The following PTPRN2 variants were observed in gnomAD, a reference collection of about 807,000 sequenced individuals.
The protein encoded by PTPRN2 is receptor-type tyrosine-protein phosphatase N2.
In PTPRN2, 74 loss-of-function variants were observed where a neutral mutation model predicts 118.8. That is an observed-to-expected ratio of 0.62 (90% CI 0.52 to 0.76). The LOEUF (loss-of-function observed/expected upper bound fraction) is 0.76, where lower values mean the gene tolerates loss of function less well. Among genes scored for constraint, PTPRN2 ranks in the 30% least tolerant of loss-of-function variants. The pLI, the probability that PTPRN2 is intolerant of heterozygous loss-of-function variation, is 0.00. For missense variants in PTPRN2, 1,481 were observed against 1,394.4 expected (o/e 1.06, Z -0.99); for synonymous variants, 641 against 608.0 (o/e 1.05, Z -0.80).
rs1563245622 is a variant in PTPRN2, at chr7:157,595,593, T to TTAGGAAGCCAGGA, written c.2419-279_2419-278insTCCTGGCTTCCTA. ...GAAGCCAGGAGGTTAGGAAGCCTGGTGTTTAGGAAGCCCGGAGGTTAGGAA... is the reference window on the plus strand; with the variant it reads ...GAAGCCAGGAGGTTAGGAAGCCTGGTTAGGAAGCCAGGAGTTTAGGAAGCCCGGAGGTTAGGAA... On this transcript the variant is annotated intron_variant, in intron 16 of 22. Transcript: ENST00000389418. Among the ~76,000 whole-genome samples the TTAGGAAGCCAGGA allele has an allele frequency of 1.9e-3, 140 of 72,106 alleles. 5 individuals carry two copies. Among genetic ancestry groups the TTAGGAAGCCAGGA allele is most frequent in the African/African-American group, 0.012 (134 of 10,942 alleles). The allele number at this position is 72,106 out of a possible 152,430, so 47.3% of individuals were successfully genotyped here. A position where few individuals can be genotyped will look rare whatever the true frequency, so the allele number is the denominator to read the frequency against.
chr7:157,658,914 G>A (rs999114864), intron 13 of PTPRN2, among the ~76,000 whole-genome samples: 3 of 152,188 alleles, frequency 2.0e-5, no homozygotes, highest in East Asian at 1.9e-4. Context: ...CCACCCACTC[G>A]CTCCCCACAG....
chr7:158,416,693 A>C (rs1190868626), intron 2 of PTPRN2, among the ~76,000 whole-genome samples: 1 of 152,244 alleles, frequency 6.6e-6, no homozygotes, highest in Admixed American at 6.5e-5. Flanking sequence ...GGCAGGAAAC[A>C]GACAGCCTGC....
rs983748182 is a variant in PTPRN2 at position 158,574,571 on chromosome 7, C to A, written c.112+12987G>T. On this transcript the variant is annotated intron_variant, in intron 1 of 22. Transcript: ENST00000389418. This position sits in a 1 kb window ranked among gnomAD's most constrained non-coding sequence, Gnocchi z 4.6. ...GAGCCCTGTCCAGGGCTTGGGCTTC[C>A]TTCCTAAGGTTAGATGTGGGGCAGC... is the stretch of plus-strand genomic sequence containing the variant. Among the ~76,000 whole-genome samples the A allele has an allele frequency of 6.6e-6, 1 of 152,300 alleles. No homozygotes were observed. Among genetic ancestry groups the A allele is most frequent in the Admixed American group, 6.5e-5 (1 of 15,292 alleles).
chr7:158,008,651 G>A (rs914306893), intron 11 of PTPRN2, among the ~76,000 whole-genome samples: 1 of 152,252 alleles, frequency 6.6e-6, no homozygotes, highest in African/African-American at 2.4e-5. Flanking sequence ...GCAGGCAGCA[G>A]TGACGTGTCT....
chr7:158,346,862 G>A (rs1807549994), intron 2 of PTPRN2, among the ~76,000 whole-genome samples: 1 of 152,168 alleles, frequency 6.6e-6, no homozygotes, highest in Non-Finnish European at 1.5e-5. Flanking sequence ...GCACAGTTGA[G>A]CATCTTTTCA....
At chr7:158,542,556 T>A (rs1826049769) in intron 1 of PTPRN2, among the ~76,000 whole-genome samples, 1 of 152,246 alleles carries the variant, frequency 6.6e-6, no homozygotes, top group Non-Finnish European at 1.5e-5. Flanking sequence ...AGAAGGGATG[T>A]GCCCAGCGCC....
chr7:157,545,004 CATGACTGTGTGTGGGTGTGCACT>C, intron 22 of PTPRN2, among the ~76,000 whole-genome samples: 1 of 134,514 alleles, frequency 7.4e-6, no homozygotes, highest in Admixed American at 7.5e-5. Context: ...GTGCAGGGTC[CATGACTGTGTGTGGGTGTGCACT>C]GTGTGTACAC....
intron 9 of PTPRN2, among the ~76,000 whole-genome samples, chr7:158,131,907 C>G (rs889835306): frequency 3.0e-4 from 45 of 151,130 alleles, no homozygotes; most frequent in Non-Finnish European, 7.4e-5. Flanking sequence ...TGGGCATATA[C>G]ACAAACCAAT....
rs562206427 is a variant in PTPRN2 at position 158,124,170 on chromosome 7, G to A, written c.1556+9507C>T. Among the ~76,000 whole-genome samples the A allele has an allele frequency of 9.3e-4, 141 of 152,372 alleles. 2 individuals carry two copies. In the South Asian group the frequency reaches 0.012, roughly 13 times the overall value. ...TTCCATCATCAAATGGAAGTGGTAT[G>A]TGTCTGGGCCTAAGTAGGCCCTAAA... is the stretch of plus-strand genomic sequence containing the variant. On this transcript the variant is annotated intron_variant, in intron 9 of 22. Transcript: ENST00000389418.
At chr7:158,397,121 A>G (rs1475676156) in intron 2 of PTPRN2, among the ~76,000 whole-genome samples, 1 of 152,206 alleles carries the variant, frequency 6.6e-6, no homozygotes, top group East Asian at 1.9e-4. Context: ...TGCCTCCCTG[A>G]TTTAAACTAT....
At chr7:158,475,235 C>A (rs890161888) in intron 2 of PTPRN2, among the ~76,000 whole-genome samples, 1 of 151,902 alleles carries the variant, frequency 6.6e-6, no homozygotes, top group Non-Finnish European at 1.5e-5. Context: ...GGGGAGGCCC[C>A]GAAGGGCCCC....
At chr7:158,178,569 A>G (rs1824415805) in intron 5 of PTPRN2, among the ~76,000 whole-genome samples, 1 of 141,526 alleles carries the variant, frequency 7.1e-6, no homozygotes, top group Non-Finnish European at 1.5e-5. Context: ...CATGGTGTAT[A>G]TATATACTAC....
intron 2 of PTPRN2, among the ~76,000 whole-genome samples, chr7:158,469,485 C>A (rs1563330631): frequency 6.6e-6 from 1 of 152,066 alleles, no homozygotes; most frequent in Non-Finnish European, 1.5e-5. Context: ...ACAATGAACA[C>A]ACCAAAAAAA....
rs565264065 is a variant in PTPRN2, at chr7:157,944,387, A to T, written c.1724-45650T>A. On this transcript the variant is annotated intron_variant, in intron 11 of 22. Transcript: ENST00000389418. The surrounding 1 kb of genome is among the most constrained non-coding windows in gnomAD (Gnocchi z 4.3). ...CTGAACCTTGGAATCAATACAATGC[A>T]GGGTAGAGCAATTCATTTGAATTAA... Among the ~76,000 whole-genome samples, 18 of 152,326 alleles carry T rather than the reference A, an allele frequency of 1.2e-4. No homozygotes were observed. The highest frequency in any genetic ancestry group is 5.9e-5 in the Non-Finnish European group (4 of 68,036).
At chr7:158,551,087 G>C (rs887409528) in intron 1 of PTPRN2, among the ~76,000 whole-genome samples, 1 of 152,254 alleles carries the variant, frequency 6.6e-6, no homozygotes, top group Non-Finnish European at 1.5e-5. Context: ...CAGAACACCA[G>C]GGCAGGGCAG....
Position 158,167,237 on chromosome 7 carries a change from G to C in PTPRN2, c.604C>G (p.Leu202Val), listed in dbSNP as rs1434181145. Reference protein sequence around the residue: ...ILTYVAHTSALTYPPGSRTQL... With the variant: ...ILTYVAHTSAVTYPPGSRTQL... ...GTCCGGGACCCGGGAGGGTAGGTCA[G>C]CGCAGACGTGTGGGCCACATAGGTC... Residue 202 changes from leucine to valine, a missense_variant, in exon 6 of 23, where the codon CTG (leucine) becomes GTG (valine). By Grantham distance (32) the Leu-to-Val change is conservative. This residue lies in a region of PTPRN2 where 1,115 missense variants were observed against 994.2 expected (regional missense o/e 1.12). Coordinates refer to ENST00000389418, the MANE Select transcript of PTPRN2 (RefSeq NM_002847.5). 2 of 1,613,070 alleles carry C rather than the reference G, an allele frequency of 1.2e-6. No individual in the cohort carries two copies. Among genetic ancestry groups the C allele is most frequent in the Non-Finnish European group, 1.7e-6 (2 of 1,179,726 alleles).
intron 12 of PTPRN2, among the ~76,000 whole-genome samples, chr7:157,704,302 C>T (rs1798220086): frequency 1.3e-5 from 2 of 152,208 alleles, no homozygotes; most frequent in South Asian, 4.1e-4. Context: ...GGGTGGCATC[C>T]ACACCCTCAG....
At chr7:157,566,763 G>A (rs1182174358) in intron 21 of PTPRN2, among the ~76,000 whole-genome samples, 5 of 152,226 alleles carry the variant, frequency 3.3e-5, no homozygotes, top group South Asian at 2.1e-4. Flanking sequence ...CCCCCGTACC[G>A]GGGTCTCGAA....
At chr7:158,035,938 C>T (rs966996167) in intron 11 of PTPRN2, among the ~76,000 whole-genome samples, 11 of 152,076 alleles carry the variant, frequency 7.2e-5, no homozygotes, top group Non-Finnish European at 1.3e-4. Flanking sequence ...TAAAAGAAAA[C>T]GCAAACTAGA....
Sources: allele counts gnomAD v4.1 joint callset (sites outside exome capture counted in the v4.1 genomes callset), GRCh38; gene constraint gnomAD v4.1.1; regional missense constraint gnomAD v4.1.1; non-coding constraint Gnocchi (gnomAD v3.1); transcripts MANE v1.5; gene names NCBI Gene and HGNC (gene_info 2026-07-23, HGNC 2026-07-21).